The following CHRNB1 variants were observed in gnomAD, a reference collection of about 807,000 sequenced individuals.
The protein encoded by CHRNB1 is cholinergic receptor nicotinic beta 1 subunit, also known as acetylcholine receptor subunit beta.
CHRNB1 carries 47 observed loss-of-function variants against 53.8 expected under a neutral mutation model. The ratio of observed to expected loss-of-function variants is 0.87; its 90% CI spans 0.69 to 1.11. CHRNB1 has a LOEUF of 1.11. CHRNB1 is among the 50% of genes most tolerant of loss of function. The pLI is 0.00. For missense variants in CHRNB1, 605 were observed against 654.9 expected (o/e 0.92, Z 0.83); for synonymous variants, 259 against 263.5 (o/e 0.98, Z 0.16).
In CHRNB1 at chr17:7,454,373, T is replaced by G. The variant is rs1443064605; in HGVS notation, c.897T>G (p.Pro299=). The G allele has an allele frequency of 6.2e-7, 1 of 1,614,140 alleles. No homozygotes were observed. Among genetic ancestry groups the G allele is most frequent in the Admixed American group, 1.7e-5 (1 of 60,028 alleles). The change falls in exon 8 of 11, where the codon CCT becomes CCG. Residue 299 remains proline (P), a synonymous_variant. Transcript: ENST00000306071. ...VFLLLLADKV[P]ETSLSVPIII... ...TGCTGCTGCTGGCTGACAAAGTACC[T>G]GAGACCTCACTATCAGTACCCATTA...
Position 7,446,051 on chromosome 17 carries a change from TA to T in CHRNB1, c.199-15del. 6.2e-7 allele frequency: 1 copy of T among 1,613,654 alleles called. No individual in the cohort carries two copies. Among genetic ancestry groups the T allele is most frequent in the Non-Finnish European group, 8.5e-7 (1 of 1,179,666 alleles). ...TCCACCCTACTTCACCTTTACGCCT[TA>T]AATTTTTCCCTTCTAGAACGAGAAG... On this transcript the variant is annotated splice_polypyrimidine_tract_variant and intron_variant, in intron 2 of 10. Coordinates refer to ENST00000306071, the MANE Select transcript of CHRNB1 (RefSeq NM_000747.3).
At chr17:7,455,681 T>C (rs1597755199) in intron 9 of CHRNB1, 113 bp from the exon 10 acceptor site, 1 of 1,439,402 alleles carries the variant, frequency 6.9e-7, no homozygotes, top group Non-Finnish European at 9.8e-7. Flanking sequence ...AAAAGCATGA[T>C]GGGCTCTCGG....
chr17:7,455,551 G>GGCCCATGCT, intron 9 of CHRNB1, 95 bp downstream of exon 9: 1 of 1,470,938 alleles, frequency 6.8e-7, no homozygotes, highest in Non-Finnish European at 9.5e-7. Context: ...CTCGGAAGAC[G>GGCCCATGCT]CTGTGGTTGA....
At chr17:7,456,014 C>T in intron 10 of CHRNB1, 73 bp downstream of exon 10, 2 of 1,247,430 alleles carry the variant, frequency 1.6e-6, no homozygotes, top group Non-Finnish European at 2.3e-6. Context: ...CGCACCAGCA[C>T]TCGCTTTCGT....
chr17:7,456,421 A>G (rs968776139), intron 10 of CHRNB1, among the ~76,000 whole-genome samples, 162 bp from the exon 11 acceptor site: 1 of 151,768 alleles, frequency 6.6e-6, no homozygotes, highest in Non-Finnish European at 1.5e-5. Flanking sequence ...CTGGTTCTTT[A>G]TGCCCATGCA....
chr17:7,445,585 G>A lies in CHRNB1; in HGVS notation c.198+176G>A. On this transcript the variant is annotated intron_variant, in intron 2 of 10. Transcript: ENST00000306071. The surrounding 1 kb of genome is among the most constrained non-coding windows in gnomAD (Gnocchi z 5.7). Reference sequence around the variant, plus strand: ...AGACCAATGGACAAGCTCTGGCCGTGGGTGGTGGACGGGCCTGGAGTAGAA... The same window carrying A: ...AGACCAATGGACAAGCTCTGGCCGTAGGTGGTGGACGGGCCTGGAGTAGAA... 1 of 1,481,810 alleles carries A rather than the reference G, an allele frequency of 6.7e-7. No homozygotes were observed. Among genetic ancestry groups the A allele is most frequent in the Middle Eastern group, 2.4e-4 (1 of 4,158 alleles). The allele number at this position is 1,481,810 out of a possible 1,614,324, so 91.8% of individuals were successfully genotyped here.
intron 5 of CHRNB1, 63 bp downstream of exon 5, chr17:7,447,214 C>A: frequency 7.2e-7 from 1 of 1,383,382 alleles, no homozygotes; most frequent in Non-Finnish European, 1.0e-6. Context: ...CCTTAGACAT[C>A]CTGACTCCCC....
At chr17:7,456,504 G>A in intron 10 of CHRNB1, 79 bp from the exon 11 acceptor site, 1 of 1,590,900 alleles carries the variant, frequency 6.3e-7, no homozygotes, top group Non-Finnish European at 8.6e-7. Flanking sequence ...GACTCAAGCG[G>A]GTAGCGGGCG....
In CHRNB1 at chr17:7,447,103, C is replaced by T. The variant is rs759413080; in HGVS notation, c.414C>T (p.Ser138=). 5 of 1,613,982 alleles carry T rather than the reference C, an allele frequency of 3.1e-6. No individual in the cohort carries two copies. The Admixed American group carries it at 6.7e-5, about 22-fold the overall frequency. ...DISVVVSSDG[S]VRWQPPGIYR... is the part of the protein sequence containing the mutation. ...GCGTCGTGGTGTCCTCCGACGGCTC[C>T]GTGCGTTGGCAACCCCCGGGCATCT... is the stretch of plus-strand genomic sequence containing the variant. Residue 138 remains serine, a synonymous_variant, in exon 5 of 11, where the codon TCC becomes TCT. Transcript: ENST00000306071.
At position 7,448,700 on chromosome 17, in the gene CHRNB1, G is replaced by A; in HGVS notation, c.732G>A (p.Lys244=). ...EVIFYLIIRR[K]PLFYLVNVIA... The stretch of plus-strand genomic sequence containing the variant: ...TCTTCTACCTCATCATCCGCCGCAA[G>A]CCTCTCTTCTACCTGGTCAACGTCA... Residue 244 remains lysine (K), a synonymous_variant, in exon 7 of 11, where the codon AAG becomes AAA. Transcript: ENST00000306071. The A allele has an allele frequency of 6.2e-7, 1 of 1,614,182 alleles. No individual in the cohort carries two copies. Among genetic ancestry groups the A allele is most frequent in the Non-Finnish European group, 8.5e-7 (1 of 1,180,042 alleles).
intron 7 of CHRNB1, among the ~76,000 whole-genome samples, chr17:7,451,272 TTC>T (rs1491057151): frequency 0.046 from 5,939 of 129,692 alleles, 131 homozygotes; most frequent in East Asian, 0.073. Flanking sequence ...TTCTTTTCTT[TTC>T]TTTTTTTTTT....
At chr17:7,446,022 T>A in intron 2 of CHRNB1, 47 bp from the exon 3 acceptor site, 1 of 1,586,572 alleles carries the variant, frequency 6.3e-7, no homozygotes, top group Non-Finnish European at 8.7e-7. Flanking sequence ...CCCCCTCATT[T>A]CTCTCCACCC....
Position 7,455,337 on chromosome 17 carries a change from GAGA to G in CHRNB1, c.1099_1101del (p.Arg367del). 6.2e-7 allele frequency: 1 copy of G among 1,614,128 alleles called. No homozygotes were observed. Among genetic ancestry groups the G allele is most frequent in the African/African-American group, 1.3e-5 (1 of 75,022 alleles). ...TGCGTCTAAAAAGGCCCAAACCCGA[GAGA>G]GACCTGATGCCGGAGCCCCCTCACT... On this transcript the variant is annotated inframe_deletion, in exon 9 of 11. Transcript: ENST00000306071.
intron 5 of CHRNB1, 49 bp downstream of exon 5, chr17:7,447,200 C>A: frequency 6.7e-7 from 1 of 1,502,658 alleles, no homozygotes; most frequent in Non-Finnish European, 9.2e-7. Flanking sequence ...CAAATCCTCC[C>A]TTTCCTTAGA....
rs2069964619 is a variant in CHRNB1, at chr17:7,457,626, T to C, written c.*903T>C. On this transcript the variant is annotated 3_prime_UTR_variant, in exon 11 of 11. Transcript: ENST00000306071. ...CTTATTGTTTGCATGTTGGGTCTTG[T>C]GGTCGTTTTCTTTTTACCTTTCTGT... The C allele has an allele frequency of 6.6e-6, 1 of 152,224 alleles. No individual in the cohort carries two copies. The allele number at this position is 152,224 out of a possible 1,614,324, so 9.4% of individuals were successfully genotyped here.
chr17:7,445,993 G>C lies in CHRNB1; in HGVS notation c.199-76G>C, dbSNP rs868173514. The C allele has an allele frequency of 3.8e-6, 5 of 1,306,062 alleles. No homozygotes were observed. The Middle Eastern group carries it at 1.2e-3, about 306-fold the overall frequency. The allele number at this position is 1,306,062 out of a possible 1,614,324, so 80.9% of individuals were successfully genotyped here. ...GAAAAAGGGGGCGGCGTTCCCAGGA[G>C]AGAGGTTGGCCCCCCGAGCCCCCTC... On this transcript the variant is annotated intron_variant, in intron 2 of 10. Coordinates refer to ENST00000306071, the MANE Select transcript of CHRNB1 (RefSeq NM_000747.3). The surrounding 1 kb of genome is among the most constrained non-coding windows in gnomAD (Gnocchi z 5.7).
intron 7 of CHRNB1, among the ~76,000 whole-genome samples, chr17:7,452,227 T>G (rs1908918685): frequency 6.6e-6 from 1 of 151,968 alleles, no homozygotes; most frequent in South Asian, 2.1e-4. Context: ...AGCTAAATTT[T>G]TTGTAATTTA....
In CHRNB1 at chr17:7,445,387, T is replaced by A; in HGVS notation, c.176T>A (p.Ile59Asn). 1 of 1,612,216 alleles carries A rather than the reference T, an allele frequency of 6.2e-7. No individual in the cohort carries two copies. The highest frequency in any genetic ancestry group is 8.5e-7 in the Non-Finnish European group (1 of 1,179,698). The change falls in exon 2 of 11, where the codon ATC (isoleucine) becomes AAC (asparagine). Residue 59 changes from isoleucine to asparagine, a missense_variant. Transcript: ENST00000306071. This position sits in a 1 kb window ranked among gnomAD's most constrained non-coding sequence, Gnocchi z 5.7. ...CGTGTCAGGGTCAGCGTTGGTCTCA[T>A]CCTGGCGCAACTCATCAGCCTGGTG... is the stretch of plus-strand genomic sequence containing the variant. ...GDRVRVSVGL[I>N]LAQLISLNEK...
At chr17:7,454,089 C>T (rs889820081) in intron 7 of CHRNB1, among the ~76,000 whole-genome samples, 3 of 151,874 alleles carry the variant, frequency 2.0e-5, no homozygotes, top group African/African-American at 4.8e-5. Context: ...AAGAGGTCTC[C>T]CTATGTTGCT....
Sources: allele counts gnomAD v4.1 joint callset (sites outside exome capture counted in the v4.1 genomes callset), GRCh38; gene constraint gnomAD v4.1.1; non-coding constraint Gnocchi (gnomAD v3.1); transcripts MANE v1.5; gene names NCBI Gene and HGNC (gene_info 2026-07-23, HGNC 2026-07-21).